RARB: variants seen among roughly 807,000 people sequenced by gnomAD.
RARB encodes the protein retinoic acid receptor beta.
In RARB, 17 loss-of-function variants were observed where a neutral mutation model predicts 51.9. The ratio of observed to expected loss-of-function variants is 0.33; its 90% CI spans 0.22 to 0.49. The LOEUF (loss-of-function observed/expected upper bound fraction) is 0.49. RARB is among the 20% of genes least tolerant of loss of function. RARB has a pLI of 0.99. For missense variants in RARB, 369 were observed against 550.8 expected, an observed-to-expected ratio of 0.67 and a Z score of 3.30; for synonymous variants, 215 against 195.4, an observed-to-expected ratio of 1.10 and a Z score of -0.84.
chr3:25,197,904 A>G (rs1166847011), intron 5 of RARB, among the ~76,000 whole-genome samples: 1 of 152,076 alleles, frequency 6.6e-6, no homozygotes, highest in Non-Finnish European at 1.5e-5. Context: ...AATACCAATG[A>G]CATTCTTCAC....
intron 2 of RARB, among the ~76,000 whole-genome samples, chr3:24,973,333 C>T (rs548143020): frequency 2.0e-5 from 3 of 151,748 alleles, no homozygotes; most frequent in Non-Finnish European, 4.4e-5. Context: ...CACTGATCTA[C>T]TTTTATCTCA....
rs115477841 is a variant in RARB at position 25,010,226 on chromosome 3, A to G, written c.-379-49899A>G. Reference sequence around the variant, plus strand: ...TTCTCCATCAGATTTTGTATCTTAAATGTCTTTCCTACAGTGAGTCCATAC... The same window carrying G: ...TTCTCCATCAGATTTTGTATCTTAAGTGTCTTTCCTACAGTGAGTCCATAC... On this transcript the variant is annotated intron_variant, in intron 2 of 11. Transcript: ENST00000383772. Among the ~76,000 whole-genome samples, 1,336 of 152,206 alleles carry G rather than the reference A, an allele frequency of 8.8e-3. 15 individuals are homozygous for G. Among genetic ancestry groups the G allele is most frequent in the African/African-American group, 0.031 (1,282 of 41,542 alleles).
chr3:25,249,461 GAA>G (rs1702649955), intron 5 of RARB, among the ~76,000 whole-genome samples: 2 of 152,140 alleles, frequency 1.3e-5, no homozygotes, highest in Admixed American at 1.3e-4. Flanking sequence ...TCTGTTGCTG[GAA>G]AATTGTTGTG....
At chr3:24,894,014 CTGAACAGAA>C (rs898415346) in intron 2 of RARB, among the ~76,000 whole-genome samples, 2 of 101,594 alleles carry the variant, frequency 2.0e-5, no homozygotes, top group African/African-American at 1.2e-4. Context: ...GAACAAATAA[CTGAACAGAA>C]AGAGATGGCA....
chr3:25,488,561 G>A (rs1696578037), intron 2 of RARB, among the ~76,000 whole-genome samples: 1 of 152,288 alleles, frequency 6.6e-6, no homozygotes, highest in Non-Finnish European at 1.5e-5. Flanking sequence ...CCTGGCCTGG[G>A]GGCAGGGTCT....
intron 2 of RARB, among the ~76,000 whole-genome samples, chr3:25,050,173 T>C (rs1474773480): frequency 6.6e-6 from 1 of 152,190 alleles, no homozygotes; most frequent in African/African-American, 2.4e-5. Flanking sequence ...ACACAGAAGA[T>C]TGTATATTGA....
chr3:25,027,359 G>T (rs1041868071), intron 2 of RARB, among the ~76,000 whole-genome samples: 17 of 152,090 alleles, frequency 1.1e-4, no homozygotes, highest in African/African-American at 4.1e-4. Context: ...AGCAGGCTGG[G>T]CAATATGGGC....
At chr3:25,042,973 T>A (rs1227614230) in intron 2 of RARB, among the ~76,000 whole-genome samples, 2 of 152,208 alleles carry the variant, frequency 1.3e-5, no homozygotes, top group Non-Finnish European at 2.9e-5. Flanking sequence ...CTTCATCCAG[T>A]ACTTGTCTTC....
intron 4 of RARB, among the ~76,000 whole-genome samples, chr3:25,149,164 T>C (rs1195752609): frequency 2.6e-5 from 4 of 152,006 alleles, no homozygotes; most frequent in African/African-American, 9.7e-5. Context: ...GGTGATGAGA[T>C]TGGGGAGGAG....
chr3:25,392,874 C>A (rs183234458), intron 5 of RARB, among the ~76,000 whole-genome samples: 1 of 152,116 alleles, frequency 6.6e-6, no homozygotes, highest in African/African-American at 2.4e-5. Context: ...TTTAGATGCC[C>A]TTTATTTCTT....
At chr3:25,039,546 C>T (rs774195211) in intron 2 of RARB, among the ~76,000 whole-genome samples, 17 of 152,092 alleles carry the variant, frequency 1.1e-4, no homozygotes, top group Admixed American at 4.6e-4. Flanking sequence ...AGTTCACATT[C>T]GAGTGGGGCA....
chr3:24,839,225 A>C (rs116501500), intron 1 of RARB, among the ~76,000 whole-genome samples: 2,692 of 152,262 alleles, frequency 0.018, 70 homozygotes, highest in African/African-American at 0.061. Flanking sequence ...ACTTTTGTTA[A>C]TCCATAGTAA....
chr3:24,849,078 A>G (rs1290883051), intron 1 of RARB, among the ~76,000 whole-genome samples: 1 of 152,222 alleles, frequency 6.6e-6, no homozygotes, highest in Non-Finnish European at 1.5e-5. Context: ...GATGCCTGAA[A>G]TGGAGAATAG....
chr3:25,422,343 A>G (rs1158565110), intron 5 of RARB, among the ~76,000 whole-genome samples: 1 of 152,162 alleles, frequency 6.6e-6, no homozygotes, highest in Non-Finnish European at 1.5e-5. Context: ...ATCTAATCTT[A>G]GCTTATTGGA....
At chr3:25,518,142 A>G (rs1698252521) in intron 3 of RARB, among the ~76,000 whole-genome samples, 1 of 152,240 alleles carries the variant, frequency 6.6e-6, no homozygotes, top group Admixed American at 6.5e-5. Flanking sequence ...TTGTATCTTA[A>G]TTTTAAAAAA....
intron 2 of RARB, among the ~76,000 whole-genome samples, chr3:25,001,347 A>C (rs1413960650): frequency 6.6e-6 from 1 of 152,196 alleles, no homozygotes; most frequent in East Asian, 1.9e-4. Flanking sequence ...AAGGCATTCC[A>C]CCTAAAGTTC....
intron 3 of RARB, among the ~76,000 whole-genome samples, chr3:25,526,359 C>A (rs915387847): frequency 6.6e-6 from 1 of 152,032 alleles, no homozygotes; most frequent in Non-Finnish European, 1.5e-5. Context: ...GCAGTGTAGC[C>A]CATTGATAAG....
chr3:25,469,525 C>T (rs1395423216), intron 2 of RARB, among the ~76,000 whole-genome samples: 1 of 152,182 alleles, frequency 6.6e-6, no homozygotes, highest in Middle Eastern at 3.2e-3. Context: ...AATTATGAAA[C>T]CTGCCATAAA....
At chr3:25,337,189 C>A (rs1224776195) in intron 5 of RARB, among the ~76,000 whole-genome samples, 1 of 152,096 alleles carries the variant, frequency 6.6e-6, no homozygotes, top group Non-Finnish European at 1.5e-5. Context: ...ACCACTATTA[C>A]CACCATCCTT....
Sources: allele counts gnomAD v4.1 joint callset (sites outside exome capture counted in the v4.1 genomes callset), GRCh38; gene constraint gnomAD v4.1.1; transcripts MANE v1.5; gene names NCBI Gene and HGNC (gene_info 2026-07-23, HGNC 2026-07-21).